The following ANKRD6 variants were observed in gnomAD, a reference collection of about 807,000 sequenced individuals.
ANKRD6 encodes the protein ankyrin repeat domain-containing protein 6.
ANKRD6 carries 56 observed loss-of-function variants against 82.3 expected under a neutral mutation model. That is an observed-to-expected ratio of 0.68 (90% CI 0.55 to 0.85). The LOEUF (loss-of-function observed/expected upper bound fraction) is 0.85, where lower values mean the gene tolerates loss of function less well. ANKRD6 is among the 40% of genes least tolerant of loss of function. ANKRD6 has a pLI of 0.00. For synonymous variants in ANKRD6, 347 were observed against 352.1 expected, an observed-to-expected ratio of 0.99 and a Z score of 0.16; for missense variants, 852 against 907.6, an observed-to-expected ratio of 0.94 and a Z score of 0.79.
At chr6:89,446,069 T>C (rs1772047606) in intron 1 of ANKRD6, among the ~76,000 whole-genome samples, 1 of 152,074 alleles carries the variant, frequency 6.6e-6, no homozygotes, top group African/African-American at 2.4e-5. Flanking sequence ...ATTAGGTGAA[T>C]TGGCTGGGCA....
intron 6 of ANKRD6, 92 bp downstream of exon 6, chr6:89,612,462 A>C: frequency 7.8e-7 from 1 of 1,276,016 alleles, no homozygotes; most frequent in Admixed American, 2.5e-5. Flanking sequence ...TAACATCTAG[A>C]AATTAAAATG....
chr6:89,630,606 G>A lies in ANKRD6; in HGVS notation c.1786G>A (p.Ala596Thr), dbSNP rs1807187257. 3 of 1,613,934 alleles carry A rather than the reference G, an allele frequency of 1.9e-6. No homozygotes were observed. The East Asian group carries it at 6.7e-5, about 36-fold the overall frequency. Residue 596 changes from alanine (A) to threonine (T), a missense_variant, in exon 16 of 16, where the codon GCC becomes ACC. Coordinates refer to ENST00000339746, the MANE Select transcript of ANKRD6 (RefSeq NM_001242809.2). ...SRLRNVKVQT[A>T]LLPMNEAARS... Reference sequence around the variant, plus strand: ...ACTGAGAAACGTCAAGGTCCAGACAGCCTTGCTACCCATGAATGAGGCAGC... The same window carrying A: ...ACTGAGAAACGTCAAGGTCCAGACAACCTTGCTACCCATGAATGAGGCAGC...
At chr6:89,518,295 C>T (rs1040265964) in intron 1 of ANKRD6, among the ~76,000 whole-genome samples, 2 of 151,344 alleles carry the variant, frequency 1.3e-5, no homozygotes, top group African/African-American at 4.9e-5. Flanking sequence ...CCAGCTGCTG[C>T]GGAGGCTGAG....
chr6:89,475,546 A>G lies in ANKRD6; in HGVS notation c.-144+42171A>G, dbSNP rs1280736909. 2.0e-5 allele frequency among the ~76,000 whole-genome samples: 3 copies of G among 152,224 alleles called. 1 individual carries two copies. Among genetic ancestry groups the G allele is most frequent in the South Asian group, 4.1e-4 (2 of 4,832 alleles). ...GCCAAAAATAAAGACATCAAAGAAA[A>G]TAGAAAAACTGGGCAACAAATCATA... On this transcript the variant is annotated intron_variant, in intron 1 of 15. Coordinates refer to ENST00000339746, the MANE Select transcript of ANKRD6 (RefSeq NM_001242809.2).
intron 1 of ANKRD6, among the ~76,000 whole-genome samples, chr6:89,442,633 T>C (rs1582606317): frequency 1.1e-5 from 1 of 94,038 alleles, no homozygotes; most frequent in East Asian, 3.4e-4. Context: ...CAAAACCCTG[T>C]CTCAAAAAAA....
chr6:89,448,554 T>C (rs1261740061), intron 1 of ANKRD6, among the ~76,000 whole-genome samples: 2 of 152,216 alleles, frequency 1.3e-5, no homozygotes, highest in Admixed American at 6.5e-5. Context: ...TTAAGCCCAC[T>C]GTTAAGACCT....
chr6:89,613,792 G>A lies in ANKRD6; in HGVS notation c.517G>A (p.Ala173Thr), dbSNP rs1800817501. 5 of 1,613,464 alleles carry A rather than the reference G, an allele frequency of 3.1e-6. No homozygotes were observed. Among genetic ancestry groups the A allele is most frequent in the Non-Finnish European group, 4.2e-6 (5 of 1,179,702 alleles). ...AGSRADLKNN[A>T]GDTCLHVAAR... ...CTTAGAGTTTGATTTTTGTCCGCAG[G>A]CAGGAGACACCTGTTTGCACGTTGC... The change falls in exon 7 of 16, where the codon GCA becomes ACA. Residue 173 changes from alanine (A) to threonine (T), a missense_variant and splice_region_variant. Coordinates refer to ENST00000339746, the MANE Select transcript of ANKRD6 (RefSeq NM_001242809.2).
intron 2 of ANKRD6, among the ~76,000 whole-genome samples, chr6:89,572,944 G>T (rs111250618): frequency 5.9e-5 from 9 of 152,146 alleles, no homozygotes; most frequent in African/African-American, 2.2e-4. Flanking sequence ...GTCAGAAAGT[G>T]TGAGCTCTTC....
At position 89,617,954 on chromosome 6, in the gene ANKRD6, G is replaced by A. The variant is rs1563096237; in HGVS notation, c.715G>A (p.Ala239Thr). ...AGADTTIVNN[A>T]GQTPLETARY... ...CCTGTCCTACTCTGCCTCTCCTCAG[G>A]CAGGCCAGACTCCGCTGGAGACTGC... The change falls in exon 9 of 16, where the codon GCA becomes ACA. Residue 239 changes from alanine (A) to threonine (T), a missense_variant and splice_region_variant. Transcript: ENST00000339746. 1 of 1,613,894 alleles carries A rather than the reference G, an allele frequency of 6.2e-7. No homozygotes were observed. Among genetic ancestry groups the A allele is most frequent in the East Asian group, 2.2e-5 (1 of 44,882 alleles).
At chr6:89,477,864 A>G (rs185120025) in intron 1 of ANKRD6, among the ~76,000 whole-genome samples, 1 of 152,234 alleles carries the variant, frequency 6.6e-6, no homozygotes, top group Admixed American at 6.5e-5. Context: ...AAGTCTTACC[A>G]TATACATACA....
intron 2 of ANKRD6, among the ~76,000 whole-genome samples, chr6:89,567,732 A>G (rs935208512): frequency 2.0e-5 from 3 of 152,242 alleles, no homozygotes; most frequent in Non-Finnish European, 4.4e-5. Context: ...GCTGATAGCA[A>G]GCACTTATTG....
chr6:89,527,620 A>G (rs1194189429), intron 1 of ANKRD6, among the ~76,000 whole-genome samples: 4 of 151,316 alleles, frequency 2.6e-5, no homozygotes, highest in African/African-American at 7.3e-5. Flanking sequence ...AAAAAAAAAA[A>G]AAAAAAGAAA....
chr6:89,616,022 G>A (rs556293011), intron 7 of ANKRD6, among the ~76,000 whole-genome samples: 64 of 152,352 alleles, frequency 4.2e-4, no homozygotes, highest in Admixed American at 1.5e-3. Context: ...TCCTGAGCCT[G>A]CAGATGGATT....
In ANKRD6 at chr6:89,541,387, C is replaced by CTTTTTTT. The variant is rs58643589; in HGVS notation, c.-143-25430_-143-25424dup. 2.5e-3 allele frequency among the ~76,000 whole-genome samples: 161 copies of CTTTTTTT among 64,098 alleles called. 10 individuals are homozygous for CTTTTTTT. The highest frequency in any genetic ancestry group is 2.9e-3 in the Non-Finnish European group (110 of 37,402). 42.1% of individuals were successfully genotyped at this position (64,098 alleles called of 152,430 possible). A position where few individuals can be genotyped will look rare whatever the true frequency, so the allele number is the denominator to read the frequency against. ...TCTAGGTATTTAATTTTACGTGTGG[C>CTTTTTTT]TTTTTTTTTTTTTTTTTTTTTTTGA... On this transcript the variant is annotated intron_variant, in intron 1 of 15. Transcript: ENST00000339746.
chr6:89,473,777 G>A (rs1006995326), intron 1 of ANKRD6, among the ~76,000 whole-genome samples: 2 of 151,912 alleles, frequency 1.3e-5, no homozygotes, highest in Admixed American at 1.3e-4. Flanking sequence ...TCAGGAGTTC[G>A]AGACCAGCCT....
At chr6:89,479,202 G>C (rs1776472747) in intron 1 of ANKRD6, among the ~76,000 whole-genome samples, 1 of 152,160 alleles carries the variant, frequency 6.6e-6, no homozygotes, top group Non-Finnish European at 1.5e-5. Flanking sequence ...GCAAGGGTCA[G>C]GGAAGATTTC....
chr6:89,471,961 A>G (rs920780521), intron 1 of ANKRD6, among the ~76,000 whole-genome samples: 1 of 150,280 alleles, frequency 6.7e-6, no homozygotes, highest in African/African-American at 2.5e-5. Context: ...AAAAAAAAAA[A>G]AAAGAGAGAG....
At chr6:89,584,774 G>A (rs1430236722) in intron 2 of ANKRD6, among the ~76,000 whole-genome samples, 4 of 152,266 alleles carry the variant, frequency 2.6e-5, no homozygotes, top group Admixed American at 6.5e-5. Context: ...CCACGTATTC[G>A]GTGGCTTAAA....
At chr6:89,565,715 A>T (rs137929992) in intron 1 of ANKRD6, among the ~76,000 whole-genome samples, 1 of 152,346 alleles carries the variant, frequency 6.6e-6, no homozygotes, top group African/African-American at 2.4e-5. Flanking sequence ...AATGTAAAGG[A>T]TGGCTGCATC....
Sources: allele counts gnomAD v4.1 joint callset (sites outside exome capture counted in the v4.1 genomes callset), GRCh38; gene constraint gnomAD v4.1.1; transcripts MANE v1.5; gene names NCBI Gene and HGNC (gene_info 2026-07-23, HGNC 2026-07-21).